Variants in TJP1 observed in about 807,000 individuals in gnomAD.
TJP1 encodes tight junction protein ZO-1.
A neutral mutation model predicts 194.2 loss-of-function variants in TJP1; 43 were observed. That is an observed-to-expected ratio of 0.22 (90% CI 0.17 to 0.29). The LOEUF (loss-of-function observed/expected upper bound fraction) is 0.29. Ranked by LOEUF, TJP1 falls within the 10% of genes least tolerant of loss-of-function variation. The pLI is 1.00. For missense variants in TJP1, 1,971 were observed against 2,185.7 expected, an observed-to-expected ratio of 0.90 and a Z score of 1.96; for synonymous variants, 801 against 779.0, an observed-to-expected ratio of 1.03 and a Z score of -0.47.
intron 27 of TJP1, among the ~76,000 whole-genome samples, chr15:29,703,135 G>A (rs1241919637): frequency 6.6e-6 from 1 of 152,140 alleles, no homozygotes; most frequent in Non-Finnish European, 1.5e-5. Context: ...AAGTTTCTCT[G>A]GTATACATAC....
At chr15:29,832,572 G>T (rs748690441) in intron 2 of TJP1, among the ~76,000 whole-genome samples, 9 of 152,176 alleles carry the variant, frequency 5.9e-5, no homozygotes, top group Non-Finnish European at 8.8e-5. Flanking sequence ...CACTGTGAGG[G>T]ACATGCCATG....
At chr15:29,821,525 G>A (rs1463890714) in intron 1 of TJP1, 1 of 152,204 alleles carries the variant, frequency 6.6e-6, no homozygotes, top group Non-Finnish European at 1.5e-5. Flanking sequence ...CATACCGCAG[G>A]GAGTGACATC....
chr15:29,822,489 C>T (rs2050476106), upstream of TJP1: 1 of 985,036 alleles, frequency 1.0e-6, no homozygotes, highest in Non-Finnish European at 1.2e-6. Flanking sequence ...CGGCCCGGCC[C>T]ACTGAGCATG....
At chr15:29,735,451 T>C (rs2043962837) in intron 11 of TJP1, among the ~76,000 whole-genome samples, 1 of 151,636 alleles carries the variant, frequency 6.6e-6, no homozygotes, top group Non-Finnish European at 1.5e-5. Flanking sequence ...TTGCCACGTG[T>C]GGTGGCTAAT....
intron 2 of TJP1, among the ~76,000 whole-genome samples, chr15:29,892,209 CA>C (rs111226564): frequency 0.1 from 15,850 of 152,194 alleles, 860 homozygotes; most frequent in South Asian, 0.15. Context: ...AAGCCTGACC[CA>C]AAACAAGGCC....
chr15:29,883,473 T>A (rs2053010755), intron 2 of TJP1, among the ~76,000 whole-genome samples: 1 of 152,220 alleles, frequency 6.6e-6, no homozygotes, highest in East Asian at 1.9e-4. Flanking sequence ...GACTGAGGCA[T>A]AAAATTATAA....
intron 2 of TJP1, among the ~76,000 whole-genome samples, chr15:29,912,725 A>AAAAAAAAAAAAG (rs2054060251): frequency 7.7e-6 from 1 of 129,306 alleles, no homozygotes; most frequent in African/African-American, 2.8e-5. Context: ...AAAAAAAAAG[A>AAAAAAAAAAAAG]GGGAGCTTGG....
At chr15:29,856,682 A>G (rs753838227) in intron 2 of TJP1, among the ~76,000 whole-genome samples, 9 of 152,082 alleles carry the variant, frequency 5.9e-5, no homozygotes, top group Non-Finnish European at 1.3e-4. Context: ...TTAAAAAAAT[A>G]TGTGGGTGCG....
chr15:29,875,974 C>T (rs1212967041), intron 2 of TJP1, among the ~76,000 whole-genome samples: 1 of 152,216 alleles, frequency 6.6e-6, no homozygotes. Flanking sequence ...CTGCCTTGTC[C>T]AATATGGTAA....
At chr15:29,963,954 C>T (rs2056249310) in intron 1 of TJP1, among the ~76,000 whole-genome samples, 1 of 152,152 alleles carries the variant, frequency 6.6e-6, no homozygotes, top group African/African-American at 2.4e-5. Context: ...GCCCAGCCCA[C>T]TGTAAATACT....
intron 1 of TJP1, among the ~76,000 whole-genome samples, chr15:29,801,284 TC>T (rs1276141211): frequency 6.6e-6 from 1 of 151,974 alleles, no homozygotes; most frequent in African/African-American, 2.4e-5. Context: ...AGTATATGTA[TC>T]ACACACGTAG....
chr15:29,726,388 G>T lies in TJP1; in HGVS notation c.2403C>A (p.Ser801=), dbSNP rs2229516. The change falls in exon 18 of 28, where the codon TCC becomes TCA. Residue 801 remains serine (S), a synonymous_variant. Transcript: ENST00000614355. The part of the protein sequence containing the change: ...QQQQNQLVWV[S]EGKADGATSD... ...ATAGGAAATGTCTTACCTTTCCCTC[G>T]GAAACCCATACCAGCTGGTTTTGCT... 3.7e-6 allele frequency: 6 copies of T among 1,613,624 alleles called. No homozygotes were observed. The highest frequency in any genetic ancestry group is 1.3e-5 in the African/African-American group (1 of 74,882).
At chr15:29,833,879 A>T (rs1305996052) in intron 2 of TJP1, among the ~76,000 whole-genome samples, 882 of 13,736 alleles carry the variant, frequency 0.064, 38 homozygotes, top group East Asian at 0.35. Flanking sequence ...ATATATATAT[A>T]TATTTTTTTT....
chr15:29,766,428 G>A lies in TJP1; in HGVS notation c.427C>T (p.Arg143Trp), dbSNP rs777779191. Residue 143 changes from arginine to tryptophan, a missense_variant, in exon 5 of 28, where the codon CGG becomes TGG. Arg to Trp is a moderately radical substitution (Grantham distance 101). Coordinates refer to ENST00000614355, the MANE Select transcript of TJP1 (RefSeq NM_001330239.4). ...DEEIHDPRSG[R>W]SGVVNRRSEK... The stretch of plus-strand genomic sequence containing the variant: ...CTCCTTCTGTTAACCACACCACTCC[G>A]GCCACTTCTTGGATCATGTATTTCC... The A allele has an allele frequency of 1.5e-5, 24 of 1,613,878 alleles. No individual in the cohort carries two copies. Among genetic ancestry groups the A allele is most frequent in the South Asian group, 4.4e-5 (4 of 91,064 alleles).
intron 8 of TJP1, among the ~76,000 whole-genome samples, chr15:29,747,934 AAAC>A (rs1432543034): frequency 2.6e-5 from 4 of 152,196 alleles, no homozygotes; most frequent in African/African-American, 7.2e-5. Context: ...TAGCCTTCCA[AAAC>A]AACATTTCAC....
Position 29,876,734 on chromosome 15 carries a change from G to C in TJP1, c.307-76032C>G, listed in dbSNP as rs141512692. ...TTTCTACTAGTATACATTCAACTGA[G>C]AATATTCAAATGAGTAAAAACCACG... On this transcript the variant is annotated intron_variant, in intron 2 of 28. Coordinates refer to the TJP1 transcript ENST00000356107. Among the ~76,000 whole-genome samples the C allele has an allele frequency of 7.2e-4, 110 of 152,240 alleles. 1 individual carries two copies. In the East Asian group the frequency reaches 0.014, roughly 19 times the overall value.
intron 2 of TJP1, among the ~76,000 whole-genome samples, chr15:29,830,243 T>G (rs963585109): frequency 2.0e-5 from 3 of 151,716 alleles, no homozygotes; most frequent in Non-Finnish European, 2.9e-5. Context: ...TGTGTGTATG[T>G]GTACATCAAC....
chr15:29,760,284 C>T, intron 8 of TJP1: 3 of 702,112 alleles, frequency 4.3e-6, no homozygotes, highest in African/African-American at 1.7e-5. Context: ...TAATTTTCTT[C>T]AGATTCTCAA....
chr15:29,877,537 T>C (rs2052747262), intron 2 of TJP1, among the ~76,000 whole-genome samples: 1 of 152,054 alleles, frequency 6.6e-6, no homozygotes, highest in Non-Finnish European at 1.5e-5. Context: ...ATTTCTTTTC[T>C]TCTCTTCTCT....
Sources: gnomAD v4.1 joint callset for allele counts (sites outside exome capture counted in the v4.1 genomes callset) on GRCh38, gnomAD v4.1.1 for gene constraint, MANE v1.5 for transcripts, NCBI Gene and HGNC (gene_info 2026-07-23, HGNC 2026-07-21) for gene names.